Variants in FAM89A observed in about 807,000 individuals in gnomAD.
The protein encoded by FAM89A is protein FAM89A.
A neutral mutation model predicts 7.1 loss-of-function variants in FAM89A; 10 were observed. The ratio of observed to expected loss-of-function variants is 1.40; its 90% confidence interval spans 0.86 to 2.38. The LOEUF (loss-of-function observed/expected upper bound fraction) is 2.38, where lower values mean the gene tolerates loss of function less well. FAM89A is among the 30% of genes most tolerant of loss of function. The pLI, the probability that FAM89A is intolerant of heterozygous loss-of-function variation, is 0.00. For missense variants in FAM89A, 276 were observed against 262.8 expected (o/e 1.05, Z -0.35); for synonymous variants, 157 against 129.3 (o/e 1.21, Z -1.45).
intron 1 of FAM89A, among the ~76,000 whole-genome samples, chr1:231,029,942 GAT>G (rs2103074074): frequency 6.6e-6 from 1 of 152,312 alleles, no homozygotes; most frequent in East Asian, 1.9e-4. Flanking sequence ...TCTGATAAAA[GAT>G]ATGTTGACTG....
At chr1:231,031,608 C>T (rs1200067076) in intron 1 of FAM89A, among the ~76,000 whole-genome samples, 56 of 152,114 alleles carry the variant, frequency 3.7e-4, no homozygotes, top group Non-Finnish European at 1.5e-5. Context: ...TCTCAGGGGC[C>T]CCTAGAGGTC....
chr1:231,038,652 T>C (rs985566457), intron 1 of FAM89A, among the ~76,000 whole-genome samples: 2 of 152,218 alleles, frequency 1.3e-5, no homozygotes, highest in Non-Finnish European at 2.9e-5. Context: ...AGAAAATCTT[T>C]TCAGTGAGAA....
At chr1:231,031,766 T>C (rs189709059) in intron 1 of FAM89A, among the ~76,000 whole-genome samples, 1 of 152,356 alleles carries the variant, frequency 6.6e-6, no homozygotes, top group Admixed American at 6.5e-5. Context: ...TTTGTAACTT[T>C]ACACTGTGAA....
chr1:231,028,932 G>A (rs1239088361), intron 1 of FAM89A, among the ~76,000 whole-genome samples: 1 of 152,132 alleles, frequency 6.6e-6, no homozygotes, highest in Non-Finnish European at 1.5e-5. Flanking sequence ...CCTTTCACTT[G>A]GGATTTTCAA....
At chr1:231,033,540 G>C (rs1209372499) in intron 1 of FAM89A, among the ~76,000 whole-genome samples, 3 of 152,326 alleles carry the variant, frequency 2.0e-5, no homozygotes, top group African/African-American at 7.2e-5. Flanking sequence ...CCAGGACCCA[G>C]AGCAGGGGAG....
intron 1 of FAM89A, 56 bp downstream of exon 1, chr1:231,039,865 T>G (rs1226383144): frequency 2.4e-5 from 31 of 1,271,694 alleles, no homozygotes; most frequent in Non-Finnish European, 3.1e-5. Flanking sequence ...CCCGCGAACT[T>G]TCCCGGGACG....
intron 1 of FAM89A, among the ~76,000 whole-genome samples, chr1:231,025,375 G>A (rs1057213724): frequency 6.6e-6 from 1 of 152,080 alleles, no homozygotes; most frequent in Non-Finnish European, 1.5e-5. Context: ...GGGGGATTTG[G>A]GCTCGCTCAT....
chr1:231,022,223 G>A, intron 1 of FAM89A: 1 of 925,102 alleles, frequency 1.1e-6, no homozygotes, highest in Non-Finnish European at 1.8e-6. Flanking sequence ...TGGACAATCA[G>A]GTTCTCCAGT....
chr1:231,032,639 G>C (rs1680094852), intron 1 of FAM89A, among the ~76,000 whole-genome samples: 1 of 151,754 alleles, frequency 6.6e-6, no homozygotes, highest in African/African-American at 2.4e-5. Flanking sequence ...GTTTATGTGA[G>C]CTATACCTGT....
chr1:231,020,111 G>A lies in FAM89A; in HGVS notation c.307C>T (p.Leu103=). The A allele has an allele frequency of 6.2e-7, 1 of 1,609,394 alleles. No individual in the cohort carries two copies. The highest frequency in any genetic ancestry group is 8.5e-7 in the Non-Finnish European group (1 of 1,176,522). The stretch of plus-strand genomic sequence containing the variant: ...AGTTGGCAGAGCAAGGACATGTCCA[G>A]CTGGCGGAGACCAACCTTGAGGGAA... ...LRKEMVGLRQ[L]DMSLLCQLYS... Residue 103 remains leucine (L), a synonymous_variant, in exon 2 of 2, where the codon CTG becomes TTG. Transcript: ENST00000366654.
chr1:231,039,490 T>C (rs1235552844), intron 1 of FAM89A, among the ~76,000 whole-genome samples: 1 of 151,962 alleles, frequency 6.6e-6, no homozygotes, highest in Non-Finnish European at 1.5e-5. Flanking sequence ...CGGACAAAAG[T>C]TGTCCTCTTC....
chr1:231,039,968 T>A lies in FAM89A; in HGVS notation c.244A>T (p.Lys82Ter). The A allele has an allele frequency of 7.3e-7, 1 of 1,372,306 alleles. No individual in the cohort carries two copies. Among genetic ancestry groups the A allele is most frequent in the South Asian group, 1.7e-5 (1 of 58,314 alleles). 85.0% of individuals were successfully genotyped at this position (1,372,306 alleles called of 1,614,324 possible). A position where few individuals can be genotyped will look rare whatever the true frequency, so the allele number is the denominator to read the frequency against. The change falls in exon 1 of 2, where the codon AAG becomes TAG. Residue 82 changes from lysine to a stop codon, truncating the protein, a stop_gained. Transcript: ENST00000366654. LOFTEE classifies it low-confidence loss of function (END_TRUNC). Reference sequence around the variant, plus strand: ...AGAGCGGCGTCCAGGTTGGGAGGCTTGGCGGGCAGCGCTGCCGCCCGGGCC... The same window carrying A: ...AGAGCGGCGTCCAGGTTGGGAGGCTAGGCGGGCAGCGCTGCCGCCCGGGCC... ...GGARAAALPA[K>*]PPNLDAALAL...
At chr1:231,036,395 G>C (rs1351488085) in intron 1 of FAM89A, among the ~76,000 whole-genome samples, 1 of 152,020 alleles carries the variant, frequency 6.6e-6, no homozygotes, top group Non-Finnish European at 1.5e-5. Flanking sequence ...TCTTAAACGT[G>C]ATCTAAAGAT....
intron 1 of FAM89A, among the ~76,000 whole-genome samples, chr1:231,027,920 A>G (rs1680001935): frequency 6.6e-6 from 1 of 152,076 alleles, no homozygotes; most frequent in Non-Finnish European, 1.5e-5. Context: ...ACTACTCTCT[A>G]TATTATCGGT....
chr1:231,040,128 T>A lies in FAM89A; in HGVS notation c.84A>T (p.Pro28=). 1 of 1,376,802 alleles carries A rather than the reference T, an allele frequency of 7.3e-7. No individual in the cohort carries two copies. The highest frequency in any genetic ancestry group is 1.6e-5 in the South Asian group (1 of 61,632). 85.3% of individuals were successfully genotyped at this position (1,376,802 alleles called of 1,614,324 possible). The change falls in exon 1 of 2, where the codon CCA becomes CCT. Residue 28 remains proline, a synonymous_variant. Coordinates refer to ENST00000366654, the MANE Select transcript of FAM89A (RefSeq NM_198552.3). ...AGTGCAGCAGCCCGCTCAAGCTCTT[T>A]GGCAGCGGGGGCAGCCCGTCCACCC... ...GLRVDGLPPL[P]KSLSGLLHSA... is the part of the protein sequence containing the mutation.
At chr1:231,024,600 G>A (rs915082675) in intron 1 of FAM89A, among the ~76,000 whole-genome samples, 2 of 151,784 alleles carry the variant, frequency 1.3e-5, no homozygotes, top group Non-Finnish European at 2.9e-5. Context: ...GTGGTGGTAT[G>A]ATCATAGCTC....
intron 1 of FAM89A, among the ~76,000 whole-genome samples, chr1:231,025,533 G>A (rs2103072046): frequency 6.6e-6 from 1 of 152,248 alleles, no homozygotes; most frequent in African/African-American, 2.4e-5. Flanking sequence ...CCTTGAATAG[G>A]CAAGCAATGG....
At chr1:231,030,910 G>T (rs866474842) in intron 1 of FAM89A, among the ~76,000 whole-genome samples, 24 of 152,162 alleles carry the variant, frequency 1.6e-4, no homozygotes, top group African/African-American at 5.3e-4. Context: ...GAGAGTTCGA[G>T]ACCAGCCTGG....
In FAM89A at chr1:231,025,304, C is replaced by A. The variant is rs547023720; in HGVS notation, c.292-5178G>T. Among the ~76,000 whole-genome samples the A allele has an allele frequency of 5.3e-5, 8 of 152,278 alleles. No individual in the cohort carries two copies. In the East Asian group the frequency reaches 1.5e-3, roughly 29 times the overall value. ...GCAGGTCGGGAGCGTGGTCTCCAGG[C>A]CCAGCTTTGCCGTCCTCTGTGGCTT... On this transcript the variant is annotated intron_variant, in intron 1 of 1. Transcript: ENST00000366654.
Sources: gnomAD v4.1 joint callset for allele counts (sites outside exome capture counted in the v4.1 genomes callset) on GRCh38, gnomAD v4.1.1 for gene constraint, MANE v1.5 for transcripts, NCBI Gene and HGNC (gene_info 2026-07-23, HGNC 2026-07-21) for gene names.